CFAP299: variants seen among roughly 807,000 people sequenced by gnomAD.
CFAP299 encodes cilia- and flagella-associated protein 299.
A neutral mutation model predicts 27.0 loss-of-function variants in CFAP299; 21 were observed. The ratio of observed to expected loss-of-function variants is 0.78; its 90% CI spans 0.55 to 1.12. The LOEUF is 1.12. Ranked by LOEUF, CFAP299 falls within the 50% of genes most tolerant of loss-of-function variation. CFAP299 has a pLI of 0.00. For missense variants in CFAP299, 310 were observed against 276.6 expected, an observed-to-expected ratio of 1.12 and a Z score of -0.86; for synonymous variants, 104 against 98.1, an observed-to-expected ratio of 1.06 and a Z score of -0.36.
intron 4 of CFAP299, among the ~76,000 whole-genome samples, chr4:80,943,423 A>G (rs1319700980): frequency 6.6e-6 from 1 of 152,210 alleles, no homozygotes; most frequent in Non-Finnish European, 1.5e-5. Context: ...AGTTTAAACA[A>G]TGAAACTTTC....
rs1366890193 is a variant in CFAP299, at chr4:80,496,292, A to T, written c.243-86801A>T. On this transcript the variant is annotated intron_variant, in intron 2 of 5. Transcript: ENST00000358105. The stretch of plus-strand genomic sequence containing the variant: ...TGAGTAGAGTGTGTTAGAAACACCC[A>T]CACCACATCTTAAACACTTTGCTGC... Among the ~76,000 whole-genome samples the T allele has an allele frequency of 2.6e-5, 4 of 152,312 alleles. No individual in the cohort carries two copies. In the East Asian group the frequency reaches 7.7e-4, roughly 29 times the overall value.
chr4:80,580,559 A>G (rs1047385730), intron 2 of CFAP299, among the ~76,000 whole-genome samples: 1 of 151,990 alleles, frequency 6.6e-6, no homozygotes, highest in Non-Finnish European at 1.5e-5. Flanking sequence ...TTAATTCTCA[A>G]AAGAGCCTTT....
intron 3 of CFAP299, among the ~76,000 whole-genome samples, chr4:80,628,350 T>C (rs1161427772): frequency 1.3e-5 from 2 of 152,166 alleles, no homozygotes; most frequent in South Asian, 2.1e-4. Flanking sequence ...GATTAAAGAC[T>C]TACATGTAAG....
intron 3 of CFAP299, among the ~76,000 whole-genome samples, chr4:80,763,432 C>A (rs1229669586): frequency 6.6e-6 from 1 of 152,072 alleles, no homozygotes; most frequent in East Asian, 1.9e-4. Flanking sequence ...CAACTACAAA[C>A]CACCTCCCAA....
intron 2 of CFAP299, chr4:80,386,144 C>A: frequency 1.9e-6 from 1 of 537,900 alleles, no homozygotes; most frequent in South Asian, 3.8e-5. Flanking sequence ...ACATGAGCAT[C>A]AGGCCTTCCC....
intron 5 of CFAP299, among the ~76,000 whole-genome samples, chr4:80,960,844 C>G (rs984433064): frequency 6.6e-6 from 1 of 151,796 alleles, no homozygotes; most frequent in East Asian, 1.9e-4. Flanking sequence ...CACACACATA[C>G]CTTTTTAAAG....
chr4:80,329,764 C>T, the CFAP299 span, among the ~76,000 whole-genome samples: 1 of 151,902 alleles, frequency 6.6e-6, no homozygotes, highest in Non-Finnish European at 1.5e-5. Context: ...ATCTTGAGTA[C>T]CTGACGAGCT....
intron 2 of CFAP299, among the ~76,000 whole-genome samples, chr4:80,483,353 G>C (rs1452715979): frequency 1.3e-5 from 2 of 152,086 alleles, no homozygotes; most frequent in African/African-American, 4.8e-5. Flanking sequence ...ATAATAGCAG[G>C]AGAAAACTAA....
intron 3 of CFAP299, among the ~76,000 whole-genome samples, chr4:80,829,354 T>C (rs926690727): frequency 6.6e-5 from 10 of 151,928 alleles, no homozygotes. Context: ...ATTAGAGAAA[T>C]GCAAATAAAA....
chr4:80,794,702 T>A (rs2110101240), intron 3 of CFAP299, among the ~76,000 whole-genome samples: 1 of 152,310 alleles, frequency 6.6e-6, no homozygotes, highest in East Asian at 1.9e-4. Context: ...GGATAAGGCA[T>A]TTCATAAGTC....
chr4:80,595,539 T>C (rs908616473), intron 3 of CFAP299, among the ~76,000 whole-genome samples: 4 of 152,206 alleles, frequency 2.6e-5, no homozygotes, highest in African/African-American at 7.2e-5. Flanking sequence ...TGCTCTTTGA[T>C]AGGCCAGTTC....
intron 5 of CFAP299, among the ~76,000 whole-genome samples, chr4:80,947,229 C>G (rs536699092): frequency 2.3e-4 from 35 of 152,074 alleles, no homozygotes; most frequent in Non-Finnish European, 4.3e-4. Context: ...TTTTTTCCAA[C>G]TCTTGAATAA....
Position 80,586,829 on chromosome 4 carries a change from A to G in CFAP299, c.333+3646A>G, listed in dbSNP as rs559997816. On this transcript the variant is annotated intron_variant, in intron 3 of 5. Transcript: ENST00000358105. ...GGGGTGGGAAAAGTGAGACCCATTG[A>G]CACTTATTTTCCCACTGAATGTTGA... Among the ~76,000 whole-genome samples the G allele has an allele frequency of 2.6e-5, 4 of 152,308 alleles. No individual in the cohort carries two copies. The East Asian group carries it at 7.7e-4, about 29-fold the overall frequency.
At chr4:80,722,130 T>G (rs1441276661) in intron 3 of CFAP299, among the ~76,000 whole-genome samples, 1 of 152,062 alleles carries the variant, frequency 6.6e-6, no homozygotes, top group East Asian at 1.9e-4. Flanking sequence ...ATATAGAAAA[T>G]AATCGAGCCA....
chr4:80,561,810 G>T (rs1735046688), intron 2 of CFAP299, among the ~76,000 whole-genome samples: 1 of 152,034 alleles, frequency 6.6e-6, no homozygotes, highest in Admixed American at 6.6e-5. Context: ...ACACCTACAA[G>T]ATCTAGAAAA....
At chr4:80,691,951 C>G (rs1720734166) in intron 3 of CFAP299, among the ~76,000 whole-genome samples, 1 of 151,970 alleles carries the variant, frequency 6.6e-6, no homozygotes, top group South Asian at 2.1e-4. Context: ...ACAATTGCTT[C>G]AAAGAGAATA....
chr4:80,936,409 A>T (rs949023305), intron 4 of CFAP299, among the ~76,000 whole-genome samples: 1 of 152,146 alleles, frequency 6.6e-6, no homozygotes, highest in Admixed American at 6.6e-5. Context: ...AGTAAACAAG[A>T]TAAAGAAAAC....
In CFAP299 at chr4:80,768,979, T is replaced by C. The variant is rs543752326; in HGVS notation, c.334-101014T>C. On this transcript the variant is annotated intron_variant, in intron 3 of 5. Coordinates refer to ENST00000358105, the MANE Select transcript of CFAP299 (RefSeq NM_152770.3). Reference sequence around the variant, plus strand: ...CTGAGATGATTCAAGTAAAGCTTTATGTAAAAAGAAACCATGTGAGGTGCA... The same window carrying C: ...CTGAGATGATTCAAGTAAAGCTTTACGTAAAAAGAAACCATGTGAGGTGCA... Among the ~76,000 whole-genome samples the C allele has an allele frequency of 2.0e-4, 30 of 152,256 alleles. No individual in the cohort carries two copies. The South Asian group carries it at 6.0e-3, about 31-fold the overall frequency.
At chr4:80,748,549 A>G (rs1489010838) in intron 3 of CFAP299, among the ~76,000 whole-genome samples, 1 of 152,170 alleles carries the variant, frequency 6.6e-6, no homozygotes, top group Non-Finnish European at 1.5e-5. Flanking sequence ...TGTTTTTGAC[A>G]CATAATACTG....
Sources: gnomAD v4.1 joint callset for allele counts (sites outside exome capture counted in the v4.1 genomes callset) on GRCh38, gnomAD v4.1.1 for gene constraint, MANE v1.5 for transcripts, NCBI Gene and HGNC (gene_info 2026-07-23, HGNC 2026-07-21) for gene names.